Variants in ANKRD33B observed in about 807,000 individuals in gnomAD.
The protein encoded by ANKRD33B is ankyrin repeat domain 33B.
Under a neutral mutation model 21.5 loss-of-function variants are expected in ANKRD33B, and 6 were observed. The ratio of observed to expected loss-of-function variants is 0.28; its 90% CI spans 0.15 to 0.55. The LOEUF is 0.55. ANKRD33B is among the 20% of genes least tolerant of loss of function. The probability of loss-of-function intolerance (pLI) is 0.94; values close to 1 mark genes in which losing one functional copy is unlikely to be tolerated. For missense variants in ANKRD33B, 698 were observed against 747.2 expected, an observed-to-expected ratio of 0.93 and a Z score of 0.77; for synonymous variants, 347 against 342.4, an observed-to-expected ratio of 1.01 and a Z score of -0.15.
intron 3 of ANKRD33B, among the ~76,000 whole-genome samples, chr5:10,639,237 G>C (rs13186778): frequency 1.3e-4 from 2 of 15,532 alleles, no homozygotes; most frequent in South Asian, 3.2e-3. Flanking sequence ...GGTGACGTGG[G>C]GTTGCGCGGC....
rs761900501 is a variant in ANKRD33B at position 10,649,955 on chromosome 5, C to T, written c.1327C>T (p.Arg443Trp). ...CACCTTCCAGCCCGAGCGGCCGGCGCGGAAGGGCAGCACCAAGGACAGCGG... is the reference window on the plus strand; with the variant it reads ...CACCTTCCAGCCCGAGCGGCCGGCGTGGAAGGGCAGCACCAAGGACAGCGG... ...APTFQPERPA[R>W]KGSTKDSGHL... The change falls in exon 4 of 4, where the codon CGG (arginine) becomes TGG (tryptophan). Residue 443 changes from arginine (R) to tryptophan (W), a missense_variant. Physicochemically the swap from Arg to Trp is moderately radical, Grantham distance 101. This residue lies in a region of ANKRD33B where 543 missense variants were observed against 566.5 expected (regional missense o/e 0.96). Transcript: ENST00000296657. 65 of 1,531,242 alleles carry T rather than the reference C, an allele frequency of 4.2e-5. 2 individuals carry two copies. The South Asian group carries it at 6.7e-4, about 16-fold the overall frequency. 94.9% of individuals were successfully genotyped at this position (1,531,242 alleles called of 1,614,324 possible).
intron 3 of ANKRD33B, among the ~76,000 whole-genome samples, chr5:10,648,781 T>C (rs1272108444): frequency 3.3e-5 from 5 of 151,802 alleles, no homozygotes; most frequent in Admixed American, 6.6e-5. Context: ...TTCTGTAATT[T>C]AGGTGCTGAA....
At chr5:10,578,112 G>A (rs1162837684) in intron 1 of ANKRD33B, among the ~76,000 whole-genome samples, 1 of 152,236 alleles carries the variant, frequency 6.6e-6, no homozygotes, top group Non-Finnish European at 1.5e-5. Context: ...CACACACTGT[G>A]ATGGGTGGAA....
At chr5:10,583,681 C>T (rs1735494651) in intron 1 of ANKRD33B, among the ~76,000 whole-genome samples, 1 of 150,630 alleles carries the variant, frequency 6.6e-6, no homozygotes, top group Admixed American at 6.8e-5. Context: ...CTGCCTCTTC[C>T]TCACCAAGAG....
chr5:10,644,898 T>C (rs1737158669), intron 3 of ANKRD33B, among the ~76,000 whole-genome samples: 1 of 152,042 alleles, frequency 6.6e-6, no homozygotes, highest in Non-Finnish European at 1.5e-5. Context: ...GCAAGTGAGA[T>C]TGGGAAGAAT....
At position 10,637,505 on chromosome 5, in the gene ANKRD33B, GAGACTCCTGCTTCTGGGTGGGA is replaced by G; in HGVS notation, c.497-521_497-500del. ...GTGGTGGTGGGTAAGGGTGGAGAGA[GAGACTCCTGCTTCTGGGTGGGA>G]ACAGGGTGCCAGCGTGAATTGGCAC... On this transcript the variant is annotated intron_variant, in intron 2 of 3. Transcript: ENST00000296657. Among the ~76,000 whole-genome samples the G allele has an allele frequency of 2.9e-5, 4 of 140,262 alleles. 1 individual carries two copies. The Admixed American group carries it at 2.9e-4, about 10-fold the overall frequency. 92.0% of individuals were successfully genotyped at this position (140,262 alleles called of 152,430 possible).
At chr5:10,567,787 G>A (rs1468216068) in intron 1 of ANKRD33B, among the ~76,000 whole-genome samples, 1 of 152,222 alleles carries the variant, frequency 6.6e-6, no homozygotes, top group Non-Finnish European at 1.5e-5. Context: ...ACTGAGGTGG[G>A]AACCTCGTTG....
chr5:10,627,967 A>G (rs1736615895), intron 2 of ANKRD33B: 2 of 152,136 alleles, frequency 1.3e-5, no homozygotes, highest in Admixed American at 1.3e-4. Context: ...GCCCTCCCCT[A>G]CTAACCCTGC....
rs1737322937 is a variant in ANKRD33B, at chr5:10,650,412, G to C, written c.*299G>C. 1 of 229,416 alleles carries C rather than the reference G, an allele frequency of 4.4e-6. No homozygotes were observed. Among genetic ancestry groups the C allele is most frequent in the Non-Finnish European group, 8.4e-6 (1 of 118,720 alleles). The allele number at this position is 229,416 out of a possible 1,614,324, so 14.2% of individuals were successfully genotyped here. A position where few individuals can be genotyped will look rare whatever the true frequency, so the allele number is the denominator to read the frequency against. ...TTTTTTAAAGATCAATTTATCAAAG[G>C]GCGTTTTCTCCGTAATTTTGTATTT... On this transcript the variant is annotated 3_prime_UTR_variant, in exon 4 of 4. Transcript: ENST00000296657.
intron 1 of ANKRD33B, among the ~76,000 whole-genome samples, chr5:10,600,877 G>T (rs1472242115): frequency 6.6e-6 from 1 of 151,932 alleles, no homozygotes; most frequent in African/African-American, 2.4e-5. Flanking sequence ...CTCATTGTGG[G>T]TTTAATTTGC....
At position 10,655,763 on chromosome 5, in the gene ANKRD33B, G is replaced by A. The variant is rs1737474070; in HGVS notation, c.*5650G>A. On this transcript the variant is annotated 3_prime_UTR_variant, in exon 4 of 4. Coordinates refer to ENST00000296657, the MANE Select transcript of ANKRD33B (RefSeq NM_001164440.2). ...TGCCCAGGTCCCTCCACCTCCCACG[G>A]TGGGTAACTGTGTGGATTCTGCACC... The A allele has an allele frequency of 6.6e-6, 1 of 152,278 alleles. No homozygotes were observed. The highest frequency in any genetic ancestry group is 2.4e-5 in the African/African-American group (1 of 41,422). The allele number at this position is 152,278 out of a possible 1,614,324, so 9.4% of individuals were successfully genotyped here.
At chr5:10,637,425 G>GAGACACAC (rs1275126479) in intron 2 of ANKRD33B, among the ~76,000 whole-genome samples, 106 of 100,392 alleles carry the variant, frequency 1.1e-3, no homozygotes, top group African/African-American at 4.2e-3. Context: ...TAGGTAGTTA[G>GAGACACAC]ACACACACAC....
At chr5:10,624,395 G>T (rs1283094504) in intron 2 of ANKRD33B, among the ~76,000 whole-genome samples, 1 of 152,016 alleles carries the variant, frequency 6.6e-6, no homozygotes, top group Non-Finnish European at 1.5e-5. Flanking sequence ...CTCCCAAAGT[G>T]CTGGAATTAC....
rs557561743 is a variant in ANKRD33B at position 10,575,322 on chromosome 5, C to T, written c.366+10489C>T. Reference sequence around the variant, plus strand: ...CTTGGAATCCCAGCTACTCGGGAGGCTGAGGCAGGGGCAGAATTGCTTGAA... The same window carrying T: ...CTTGGAATCCCAGCTACTCGGGAGGTTGAGGCAGGGGCAGAATTGCTTGAA... On this transcript the variant is annotated intron_variant, in intron 1 of 3. Transcript: ENST00000296657. 4.6e-5 allele frequency among the ~76,000 whole-genome samples: 7 copies of T among 151,518 alleles called. No individual in the cohort carries two copies. The South Asian group carries it at 1.5e-3, about 32-fold the overall frequency.
intron 1 of ANKRD33B, among the ~76,000 whole-genome samples, chr5:10,609,545 A>G (rs192261290): frequency 1.2e-4 from 19 of 152,240 alleles, no homozygotes; most frequent in African/African-American, 4.6e-4. Context: ...GTCTCCAAAA[A>G]AAATTTTCCA....
At chr5:10,640,048 CACG>C (rs1737002410) in intron 3 of ANKRD33B, among the ~76,000 whole-genome samples, 1 of 77,476 alleles carries the variant, frequency 1.3e-5, no homozygotes, top group Admixed American at 1.4e-4. Context: ...CGTGGAGTTG[CACG>C]GTGATGTTAG....
chr5:10,613,229 T>C (rs1301103266), intron 1 of ANKRD33B, among the ~76,000 whole-genome samples: 2 of 151,924 alleles, frequency 1.3e-5, no homozygotes, highest in Non-Finnish European at 2.9e-5. Context: ...TTCAGACAGC[T>C]CTTGTTTGCA....
rs1209940555 is a variant in ANKRD33B at position 10,619,133 on chromosome 5, A to C, written c.496+671A>C. Among the ~76,000 whole-genome samples, 1 of 152,020 alleles carries C rather than the reference A, an allele frequency of 6.6e-6. No homozygotes were observed. The highest frequency in any genetic ancestry group is 1.5e-5 in the Non-Finnish European group (1 of 67,996). On this transcript the variant is annotated intron_variant, in intron 2 of 3. Transcript: ENST00000296657. This position sits in a 1 kb window ranked among gnomAD's most constrained non-coding sequence, Gnocchi z 4.5. ...CCTATGCTTGCCTCTTCATAATCACACTTCATTTGGAACAGTGGTCTTGAC... is the reference window on the plus strand; with the variant it reads ...CCTATGCTTGCCTCTTCATAATCACCCTTCATTTGGAACAGTGGTCTTGAC...
At chr5:10,569,556 A>G (rs992735318) in intron 1 of ANKRD33B, among the ~76,000 whole-genome samples, 2 of 152,110 alleles carry the variant, frequency 1.3e-5, no homozygotes, top group African/African-American at 2.4e-5. Context: ...AGATTGCACC[A>G]CTGCGCCCCA....
Sources: gnomAD v4.1 joint callset for allele counts (sites outside exome capture counted in the v4.1 genomes callset) on GRCh38, gnomAD v4.1.1 for gene constraint, gnomAD v4.1.1 regional missense constraint, Gnocchi (gnomAD v3.1) non-coding constraint, MANE v1.5 for transcripts, NCBI Gene and HGNC (gene_info 2026-07-23, HGNC 2026-07-21) for gene names.